SLC22A17: variants seen among roughly 807,000 people sequenced by gnomAD.
The protein encoded by SLC22A17 is 24p3 receptor.
A neutral mutation model predicts 53.6 loss-of-function variants in SLC22A17; 38 were observed. The observed-to-expected ratio is 0.71, with a 90% CI of 0.55 to 0.93. SLC22A17 has a LOEUF of 0.93. Among genes scored for constraint, SLC22A17 ranks in the 40% least tolerant of loss-of-function variants. The pLI is 0.00. For synonymous variants in SLC22A17, 379 were observed against 353.0 expected, an observed-to-expected ratio of 1.07 and a Z score of -0.82; for missense variants, 704 against 791.0, an observed-to-expected ratio of 0.89 and a Z score of 1.32.
chr14:23,351,969 G>A (rs1350737867), exon 2 of SLC22A17: 1 of 1,612,968 alleles, frequency 6.2e-7, no homozygotes, highest in South Asian at 1.1e-5. Flanking sequence ...CGTTGGTGGT[G>A]AGCACAGGAA....
rs1889266642 is a variant in SLC22A17 at position 23,347,161 on chromosome 14, G to A, written c.1601C>T (p.Ser534Phe). The A allele has an allele frequency of 2.5e-6, 4 of 1,613,862 alleles. No homozygotes were observed. The highest frequency in any genetic ancestry group is 3.3e-5 in the Admixed American group (2 of 59,996). Residue 534 changes from serine to phenylalanine, a missense_variant, in exon 9 of 10, where the codon TCC (serine) becomes TTC (phenylalanine). Physicochemically the swap from Ser to Phe is radical, Grantham distance 155. This residue lies in a region of SLC22A17 where 196 missense variants were observed against 171.5 expected (regional missense o/e 1.14). Transcript: ENST00000397267. The surrounding 1 kb of genome is among the most constrained non-coding windows in gnomAD (Gnocchi z 5.1). ...GGTGCTGAGGATGGCGGCAGCTTGG[G>A]AGGAGAAGAGCCCAAGGACAGAGAA...
intron 3 of SLC22A17, among the ~76,000 whole-genome samples, chr14:23,350,287 G>C (rs1230749202): frequency 6.6e-6 from 1 of 151,946 alleles, no homozygotes; most frequent in African/African-American, 2.4e-5. Flanking sequence ...CTGGGCAACA[G>C]AGCGAGACTC....
Position 23,352,413 on chromosome 14 carries a change from C to T in SLC22A17, c.135G>A (p.Gln45=). Residue 45 remains glutamine (Q), a synonymous_variant, in exon 2 of 10, where the codon CAG becomes CAA. Coordinates refer to ENST00000397267, the Ensembl canonical transcript of SLC22A17. The surrounding 1 kb of genome is among the most constrained non-coding windows in gnomAD (Gnocchi z 7.2). The stretch of plus-strand genomic sequence containing the variant: ...GCTCGCGCTCCCGCTCACCCTGCAG[C>T]TGCTCCGTGGGCACCGCATCTCCGA... 1 of 531,952 alleles carries T rather than the reference C, an allele frequency of 1.9e-6. No homozygotes were observed. The highest frequency in any genetic ancestry group is 2.0e-5 in the African/African-American group (1 of 49,866). The allele number at this position is 531,952 out of a possible 1,614,324, so 33.0% of individuals were successfully genotyped here. A position where few individuals can be genotyped will look rare whatever the true frequency, so the allele number is the denominator to read the frequency against.
intron 3 of SLC22A17, chr14:23,351,534 A>G (rs2138519709): frequency 1.8e-6 from 1 of 545,882 alleles, no homozygotes; most frequent in Non-Finnish European, 3.2e-6. Flanking sequence ...CTAATAGTCC[A>G]TAGAGGTCGA....
chr14:23,348,627 C>T lies in SLC22A17; in HGVS notation c.904G>A (p.Ala302Thr), dbSNP rs769892352. 64 of 1,613,582 alleles carry T rather than the reference C, an allele frequency of 4.0e-5. No individual in the cohort carries two copies. The highest frequency in any genetic ancestry group is 5.3e-5 in the Non-Finnish European group (62 of 1,179,778). ...CCTCCCACCCCCACCAACTCCCCTG[C>T]CAGGGCCACCCGAAGCCTCTGGGTT... The change falls in exon 5 of 10, where the codon GCA (alanine) becomes ACA (threonine). Residue 302 changes from alanine to threonine, a missense_variant. Around this residue, in one of 4 missense-constraint regions of SLC22A17, gnomAD observed 435 missense variants for 529.0 expected, o/e 0.82. Coordinates refer to ENST00000397267, the Ensembl canonical transcript of SLC22A17. This position sits in a 1 kb window ranked among gnomAD's most constrained non-coding sequence, Gnocchi z 4.5.
chr14:23,349,261 G>A lies in SLC22A17; in HGVS notation c.859+11C>T. ...ACCCAAGGGAGGGAATTCTGGGAGGGTGCCACTTACGCATCAGGTAGACAC... is the reference window on the plus strand; with the variant it reads ...ACCCAAGGGAGGGAATTCTGGGAGGATGCCACTTACGCATCAGGTAGACAC... On this transcript the variant is annotated intron_variant, in intron 4 of 9. Coordinates refer to ENST00000397267, the Ensembl canonical transcript of SLC22A17. 1.9e-6 allele frequency: 3 copies of A among 1,613,944 alleles called. No homozygotes were observed. The highest frequency in any genetic ancestry group is 1.1e-5 in the South Asian group (1 of 91,068).
At chr14:23,349,675 A>C in intron 3 of SLC22A17, 1 of 558,992 alleles carries the variant, frequency 1.8e-6, no homozygotes, top group East Asian at 3.0e-5. Flanking sequence ...TATTGGTCAG[A>C]GATTAGGGCA....
rs894490678 is a variant in SLC22A17 at position 23,348,413 on chromosome 14, G to A, written c.1025+93C>T. On this transcript the variant is annotated intron_variant, in intron 5 of 9. Transcript: ENST00000397267. This position sits in a 1 kb window ranked among gnomAD's most constrained non-coding sequence, Gnocchi z 4.5. ...TGGGGCTGGGGTAGGCCTGGACCAGGGGTAGTTGGAGAAGAGGAGGGGTCT... is the reference window on the plus strand; with the variant it reads ...TGGGGCTGGGGTAGGCCTGGACCAGAGGTAGTTGGAGAAGAGGAGGGGTCT... 1.9e-6 allele frequency: 3 copies of A among 1,582,846 alleles called. No homozygotes were observed. The highest frequency in any genetic ancestry group is 1.7e-5 in the Admixed American group (1 of 58,576).
chr14:23,346,449 C>T (rs1889177176), exon 10 of SLC22A17: 1 of 643,090 alleles, frequency 1.6e-6, no homozygotes. Context: ...TCTCCCTGTC[C>T]CCTGACTCTG....
chr14:23,346,988 C>T (rs1889248587), intron 9 of SLC22A17, 52 bp from the exon 10 acceptor site: 1 of 1,495,420 alleles, frequency 6.7e-7, no homozygotes. Flanking sequence ...CTTGCTGGGC[C>T]CTTCTCCCGC....
At chr14:23,349,510 A>G (rs1183915685) in intron 3 of SLC22A17, 84 bp from the exon 4 acceptor site, 4 of 1,445,990 alleles carry the variant, frequency 2.8e-6, no homozygotes. Context: ...CACACTTCAG[A>G]GCTAGAGGTA....
chr14:23,346,580 C>G (rs1351251918), exon 10 of SLC22A17: 1 of 1,427,018 alleles, frequency 7.0e-7, no homozygotes, highest in African/African-American at 1.4e-5. Context: ...CTTCCCTACT[C>G]AGTCTTCCCG....
At position 23,347,090 on chromosome 14, in the gene SLC22A17, C is replaced by T. The variant is rs758576618; in HGVS notation, c.1661+11G>A. ...GCCCGGCTCTGCCCCTGGGGGCACC[C>T]CTGCTCTCACCGGACAGTGGTGGGG... On this transcript the variant is annotated intron_variant, in intron 9 of 9. Coordinates refer to ENST00000397267, the Ensembl canonical transcript of SLC22A17. The surrounding 1 kb of genome is among the most constrained non-coding windows in gnomAD (Gnocchi z 5.1). The T allele has an allele frequency of 3.7e-6, 6 of 1,608,814 alleles. No individual in the cohort carries two copies. Among genetic ancestry groups the T allele is most frequent in the East Asian group, 4.5e-5 (2 of 44,820 alleles).
intron 4 of SLC22A17, 184 bp downstream of exon 4, chr14:23,349,088 C>T (rs1455683867): frequency 2.5e-5 from 18 of 724,802 alleles, no homozygotes; most frequent in Admixed American, 1.6e-4. Flanking sequence ...TAAAGATTGT[C>T]GGGAGGGGGA....
chr14:23,348,309 G>A lies in SLC22A17; in HGVS notation c.1026-3C>T, dbSNP rs1272860806. The A allele has an allele frequency of 4.3e-6, 7 of 1,613,930 alleles. No homozygotes were observed. Among genetic ancestry groups the A allele is most frequent in the South Asian group, 2.2e-5 (2 of 91,068 alleles). ...ACTCCAGGAACAAACCAGGCCAGCT[G>A]GGGGCAGGGGGGAAGGGGTATACTG... is the stretch of plus-strand genomic sequence containing the variant. On this transcript the variant is annotated splice_polypyrimidine_tract_variant and splice_region_variant and intron_variant, in intron 5 of 9. Transcript: ENST00000397267. This position sits in a 1 kb window ranked among gnomAD's most constrained non-coding sequence, Gnocchi z 4.5.
At chr14:23,351,798 A>G (rs370600233) in exon 3 of SLC22A17, 33 of 1,613,650 alleles carry the variant, frequency 2.0e-5, no homozygotes, top group Non-Finnish European at 2.7e-5. Flanking sequence ...GCAAAGCCCA[A>G]GATGAAGAGG....
At position 23,347,968 on chromosome 14, in the gene SLC22A17, T is replaced by C; in HGVS notation, c.1200A>G (p.Ala400=). The change falls in exon 7 of 10, where the codon GCA becomes GCG. Residue 400 remains alanine (A), a synonymous_variant. Transcript: ENST00000397267. This position sits in a 1 kb window ranked among gnomAD's most constrained non-coding sequence, Gnocchi z 5.1. ...GGGAAGCAAAGGAAAAGGAGGATGT[T>C]GCAGGGAGAGGGCAGGTATTCTCCA... 1 of 1,614,140 alleles carries C rather than the reference T, an allele frequency of 6.2e-7. No individual in the cohort carries two copies. Among genetic ancestry groups the C allele is most frequent in the Non-Finnish European group, 8.5e-7 (1 of 1,180,010 alleles).
chr14:23,346,784 G>C, exon 10 of SLC22A17: 1 of 1,543,050 alleles, frequency 6.5e-7, no homozygotes, highest in Non-Finnish European at 8.7e-7. Flanking sequence ...CTTGGTCTCC[G>C]GCAGCAGCAT....
chr14:23,348,245 C>A lies in SLC22A17; in HGVS notation c.1087G>T (p.Ala363Ser). Reference sequence around the variant, plus strand: ...GCCAGGATCCTCAGCACAGACTGAGCCTCCTCAATCTGCCGCTTCACTATC... The same window carrying A: ...GCCAGGATCCTCAGCACAGACTGAGACTCCTCAATCTGCCGCTTCACTATC... The change falls in exon 6 of 10, where the codon GCT (alanine) becomes TCT (serine). Residue 363 changes from alanine (A) to serine (S), a missense_variant. This residue lies in a region of SLC22A17 where 435 missense variants were observed against 529.0 expected (regional missense o/e 0.82). Coordinates refer to ENST00000397267, the Ensembl canonical transcript of SLC22A17. The surrounding 1 kb of genome is among the most constrained non-coding windows in gnomAD (Gnocchi z 4.5). The A allele has an allele frequency of 1.9e-6, 3 of 1,614,136 alleles. No individual in the cohort carries two copies. Among genetic ancestry groups the A allele is most frequent in the Non-Finnish European group, 1.7e-6 (2 of 1,180,006 alleles).
Sources: allele counts gnomAD v4.1 joint callset (sites outside exome capture counted in the v4.1 genomes callset), GRCh38; gene constraint gnomAD v4.1.1; regional missense constraint gnomAD v4.1.1; non-coding constraint Gnocchi (gnomAD v3.1); transcripts MANE v1.5; gene names NCBI Gene and HGNC (gene_info 2026-07-23, HGNC 2026-07-21).